The following SLC22A4 variants were observed in gnomAD, a reference collection of about 807,000 sequenced individuals.
SLC22A4 encodes the protein ET transporter.
SLC22A4 carries 39 observed loss-of-function variants against 56.6 expected under a neutral mutation model. The observed-to-expected ratio is 0.69, with a 90% CI of 0.53 to 0.90. The LOEUF (loss-of-function observed/expected upper bound fraction) is 0.90, where lower values mean the gene tolerates loss of function less well. Among genes scored for constraint, SLC22A4 ranks in the 40% least tolerant of loss-of-function variants. The pLI is 0.00. For synonymous variants in SLC22A4, 241 were observed against 281.4 expected (o/e 0.86, Z 1.44); for missense variants, 594 against 696.5 (o/e 0.85, Z 1.66).
intron 4 of SLC22A4, chr5:132,324,322 A>G (rs1750621338): frequency 1.1e-5 from 4 of 348,394 alleles, no homozygotes; most frequent in Admixed American, 3.8e-5. Flanking sequence ...CCTCGGGACC[A>G]TATGTCACAG....
At chr5:132,320,850 T>C (rs1580834307) in intron 3 of SLC22A4, 1 of 152,222 alleles carries the variant, frequency 6.6e-6, no homozygotes, top group African/African-American at 2.4e-5. Context: ...GAATTATCTG[T>C]TTTGTATCTT....
At position 132,322,185 on chromosome 5, in the gene SLC22A4, A is replaced by T; in HGVS notation, c.654A>T (p.Gly218=). 6.2e-7 allele frequency: 1 copy of T among 1,612,930 alleles called. No homozygotes were observed. The highest frequency in any genetic ancestry group is 8.5e-7 in the Non-Finnish European group (1 of 1,179,440). The change falls in exon 4 of 10, where the codon GGA becomes GGT. Residue 218 remains glycine (G), a splice_region_variant and synonymous_variant. Transcript: ENST00000200652. Reference sequence around the variant, plus strand: ...ATACTCCTCCCTTGTTTTGAACAGGAACAGAAATTCTTGGCAAGTCAGTTC... The same window carrying T: ...ATACTCCTCCCTTGTTTTGAACAGGTACAGAAATTCTTGGCAAGTCAGTTC... ...ISNYVVAFIL[G]TEILGKSVRI...
At chr5:132,313,432 A>G (rs1750240478) in intron 2 of SLC22A4, among the ~76,000 whole-genome samples, 182 bp from the exon 3 acceptor site, 1 of 152,196 alleles carries the variant, frequency 6.6e-6, no homozygotes, top group Non-Finnish European at 1.5e-5. Context: ...CTCAAAAGAT[A>G]TCTCCTGAGC....
chr5:132,331,299 C>T (rs551242100), intron 5 of SLC22A4, among the ~76,000 whole-genome samples: 22 of 152,006 alleles, frequency 1.4e-4, no homozygotes, highest in Non-Finnish European at 2.6e-4. Context: ...CACACCACTG[C>T]ACTCCAGCCT....
At chr5:132,295,583 C>G (rs1197808235) in intron 1 of SLC22A4, 2 of 294,970 alleles carry the variant, frequency 6.8e-6, no homozygotes, top group East Asian at 1.8e-4. Context: ...GAAACCCCAG[C>G]TGGAAGCCCT....
At chr5:132,324,426 G>C (rs273915) in intron 4 of SLC22A4, 294,251 of 446,188 alleles carry the variant, frequency 0.66, 99,654 homozygotes, top group African/African-American at 0.81. Flanking sequence ...CCTGCTCACT[G>C]TGCCCTAAGG....
intron 3 of SLC22A4, among the ~76,000 whole-genome samples, chr5:132,313,992 G>T (rs1392562834): frequency 6.6e-6 from 1 of 152,234 alleles, no homozygotes; most frequent in Non-Finnish European, 1.5e-5. Flanking sequence ...AAGAAGAGCA[G>T]GAGCCATTAA....
intron 1 of SLC22A4, among the ~76,000 whole-genome samples, chr5:132,301,119 C>A (rs945927057): frequency 2.6e-5 from 4 of 152,262 alleles, no homozygotes; most frequent in Non-Finnish European, 5.9e-5. Flanking sequence ...TGCAGGGCCA[C>A]AGGGCAAGCA....
intron 1 of SLC22A4, among the ~76,000 whole-genome samples, chr5:132,302,208 G>T (rs1329039920): frequency 6.6e-6 from 1 of 152,008 alleles, no homozygotes; most frequent in African/African-American, 2.4e-5. Context: ...TGCTTCACCT[G>T]CACCTCCTGC....
rs2126737937 is a variant in SLC22A4 at position 132,335,029 on chromosome 5, A to C, written c.1261+97A>C. On this transcript the variant is annotated intron_variant, in intron 7 of 9. Coordinates refer to ENST00000200652, the MANE Select transcript of SLC22A4 (RefSeq NM_003059.3). ...TGCTCCATGTTTATTCAGCCTTTAC[A>C]TCATAAGCCATTCATAAGTCAATTA... The C allele has an allele frequency of 4.7e-6, 4 of 851,078 alleles. No homozygotes were observed. In the South Asian group the frequency reaches 5.4e-5, roughly 11 times the overall value. The allele number at this position is 851,078 out of a possible 1,614,324, so 52.7% of individuals were successfully genotyped here.
At chr5:132,339,030 C>T (rs1043381275) in intron 8 of SLC22A4, among the ~76,000 whole-genome samples, 3 of 152,092 alleles carry the variant, frequency 2.0e-5, no homozygotes, top group Admixed American at 6.5e-5. Flanking sequence ...TAAAGACAGG[C>T]GTAAGAAATT....
chr5:132,340,456 G>T, intron 8 of SLC22A4, 109 bp from the exon 9 acceptor site: 1 of 1,063,328 alleles, frequency 9.4e-7, no homozygotes, highest in Non-Finnish European at 1.5e-6. Context: ...AAAATGTTCA[G>T]ATTTAAATCC....
chr5:132,305,238 C>T (rs1251952515), intron 1 of SLC22A4, among the ~76,000 whole-genome samples: 1 of 151,676 alleles, frequency 6.6e-6, no homozygotes, highest in Admixed American at 6.6e-5. Flanking sequence ...ATCCAAAGAA[C>T]AGAGAGGAAA....
intron 5 of SLC22A4, 90 bp downstream of exon 5, chr5:132,327,493 A>C: frequency 1.8e-6 from 2 of 1,111,502 alleles, no homozygotes; most frequent in Non-Finnish European, 2.8e-6. Flanking sequence ...TTAAGTGCCC[A>C]CTATGTACCA....
intron 1 of SLC22A4, among the ~76,000 whole-genome samples, chr5:132,302,097 CTGTT>C (rs1230816199): frequency 3.9e-5 from 6 of 152,236 alleles, no homozygotes; most frequent in Non-Finnish European, 8.8e-5. Flanking sequence ...ATGTGCTTCC[CTGTT>C]TGTTTATCAG....
intron 1 of SLC22A4, chr5:132,295,278 AG>A (rs1561531989): frequency 1.5e-6 from 1 of 681,704 alleles, no homozygotes; most frequent in Non-Finnish European, 2.8e-6. Flanking sequence ...CAACAAATGA[AG>A]TTTCCTAAGA....
intron 1 of SLC22A4, among the ~76,000 whole-genome samples, chr5:132,301,950 C>T (rs1749916762): frequency 6.6e-6 from 1 of 152,210 alleles, no homozygotes; most frequent in Non-Finnish European, 1.5e-5. Flanking sequence ...TGGCAGATTC[C>T]AAAGGGGATA....
At chr5:132,312,114 G>T (rs1327180397) in intron 1 of SLC22A4, 47 bp from the exon 2 acceptor site, 1 of 1,160,852 alleles carries the variant, frequency 8.6e-7, no homozygotes, top group East Asian at 2.3e-5. Flanking sequence ...TGGGGTTGAG[G>T]TCTGCCTCAG....
intron 4 of SLC22A4, among the ~76,000 whole-genome samples, chr5:132,322,612 C>G (rs1170579793): frequency 6.6e-6 from 1 of 152,222 alleles, no homozygotes; most frequent in South Asian, 2.1e-4. Context: ...TCTGTTGCTA[C>G]TTGTTATTTG....
Sources: allele counts gnomAD v4.1 joint callset (sites outside exome capture counted in the v4.1 genomes callset), GRCh38; gene constraint gnomAD v4.1.1; transcripts MANE v1.5; gene names NCBI Gene and HGNC (gene_info 2026-07-23, HGNC 2026-07-21).